MEGF11: variants seen among roughly 807,000 people sequenced by gnomAD.
MEGF11 encodes the protein multiple EGF like domains 11.
In MEGF11, 126 loss-of-function variants were observed where a neutral mutation model predicts 146.6. The ratio of observed to expected loss-of-function variants is 0.86; its 90% CI spans 0.74 to 1.00. The LOEUF (loss-of-function observed/expected upper bound fraction) is 1.00. MEGF11 is among the 50% of genes least tolerant of loss of function. The probability of loss-of-function intolerance (pLI) is 0.00; values close to 1 mark genes in which losing one functional copy is unlikely to be tolerated. For synonymous variants in MEGF11, 532 were observed against 583.4 expected (o/e 0.91, Z 1.27); for missense variants, 1,509 against 1,521.2 (o/e 0.99, Z 0.13).
intron 5 of MEGF11, among the ~76,000 whole-genome samples, chr15:66,028,220 C>T (rs1802547172): frequency 2.6e-5 from 4 of 152,188 alleles, no homozygotes; most frequent in Admixed American, 2.6e-4. Context: ...TCTCTGCAGC[C>T]CCTGCAGCAC....
At chr15:66,107,178 G>C (rs1267590144) in intron 4 of MEGF11, among the ~76,000 whole-genome samples, 1 of 152,158 alleles carries the variant, frequency 6.6e-6, no homozygotes, top group Admixed American at 6.5e-5. Flanking sequence ...GGAGTGTCCA[G>C]CTCCCCAGCC....
At chr15:65,962,669 G>C (rs1567178292) in intron 9 of MEGF11, among the ~76,000 whole-genome samples, 1 of 152,172 alleles carries the variant, frequency 6.6e-6, no homozygotes, top group African/African-American at 2.4e-5. Context: ...AGAGGGATGG[G>C]CTGTTTAAGA....
chr15:66,124,000 G>T lies in MEGF11; in HGVS notation c.99C>A (p.Ser33Arg). ...EDPNVCSHWE[S>R]YAVTVQESYA... is the part of the protein sequence containing the mutation. ...ACGATTCCTGGACAGTCACAGCATA[G>T]CTGAGAACCAGATGGGAGATAGGAG... The change falls in exon 3 of 26, where the codon AGC (serine) becomes AGA (arginine). Residue 33 changes from serine to arginine, a missense_variant and splice_region_variant. Coordinates refer to ENST00000395614, the MANE Select transcript of MEGF11 (RefSeq NM_001385028.1). 3.1e-6 allele frequency: 5 copies of T among 1,612,348 alleles called. No individual in the cohort carries two copies. Among genetic ancestry groups the T allele is most frequent in the Non-Finnish European group, 4.2e-6 (5 of 1,178,360 alleles).
intron 1 of MEGF11, among the ~76,000 whole-genome samples, chr15:66,193,507 C>T (rs1366160759): frequency 6.6e-6 from 1 of 152,166 alleles, no homozygotes; most frequent in East Asian, 1.9e-4. Flanking sequence ...TATATAAGTA[C>T]TAACTATAAT....
chr15:66,009,770 A>C (rs1184948419), intron 5 of MEGF11, among the ~76,000 whole-genome samples: 2 of 151,548 alleles, frequency 1.3e-5, no homozygotes, highest in Non-Finnish European at 2.9e-5. Context: ...TTTTTTTTGA[A>C]TTTTTAGTAG....
intron 10 of MEGF11, among the ~76,000 whole-genome samples, chr15:65,935,951 C>T (rs1056052839): frequency 1.3e-5 from 2 of 152,180 alleles, no homozygotes; most frequent in African/African-American, 4.8e-5. Context: ...ACGAGCCTAT[C>T]TCAGATTAGA....
At position 66,248,220 on chromosome 15, in the gene MEGF11, T is replaced by C. The variant is rs118088264; in HGVS notation, c.-9+5385A>G. On this transcript the variant is annotated intron_variant, in intron 1 of 25. Transcript: ENST00000395614. ...CTTGTGATCTTGGGAACAGGAAAGA[T>C]GAAAAGCATCCGGATCTTTCATGAT... Among the ~76,000 whole-genome samples the C allele has an allele frequency of 1.6e-4, 25 of 152,268 alleles. No individual in the cohort carries two copies. The East Asian group carries it at 4.8e-3, about 29-fold the overall frequency.
chr15:65,990,610 GAAAA>G (rs1192656601), intron 5 of MEGF11, among the ~76,000 whole-genome samples: 1 of 81,780 alleles, frequency 1.2e-5, no homozygotes, highest in East Asian at 4.2e-4. Context: ...GAAAAGAAAA[GAAAA>G]AAAAGAAAAG....
intron 10 of MEGF11, among the ~76,000 whole-genome samples, chr15:65,953,943 TG>T: frequency 6.6e-6 from 1 of 152,214 alleles, no homozygotes; most frequent in African/African-American, 2.4e-5. Context: ...TTCATAAAGC[TG>T]TCCCAATATC....
intron 5 of MEGF11, among the ~76,000 whole-genome samples, chr15:66,055,116 T>C (rs1360679430): frequency 6.6e-6 from 1 of 152,164 alleles, no homozygotes; most frequent in Non-Finnish European, 1.5e-5. Flanking sequence ...CTTGATAAAA[T>C]ACACCCACAA....
intron 5 of MEGF11, among the ~76,000 whole-genome samples, chr15:66,011,568 G>A (rs1244039392): frequency 6.6e-6 from 1 of 152,028 alleles, no homozygotes; most frequent in African/African-American, 2.4e-5. Flanking sequence ...AAGTCACTCG[G>A]GCAAGTCGCG....
intron 5 of MEGF11, among the ~76,000 whole-genome samples, chr15:66,021,783 G>A (rs149112490): frequency 1.7e-3 from 264 of 152,358 alleles, no homozygotes; most frequent in Middle Eastern, 0.017. Context: ...GGGGAGGGGA[G>A]CCGAGAGAGC....
chr15:65,983,203 CAGA>C (rs763149230), intron 5 of MEGF11, among the ~76,000 whole-genome samples: 4 of 152,144 alleles, frequency 2.6e-5, no homozygotes, highest in Non-Finnish European at 5.9e-5. Context: ...CAGCCAGCTT[CAGA>C]AGGAGCAGGA....
At chr15:65,976,040 C>CTTTTT (rs57047424) in intron 7 of MEGF11, among the ~76,000 whole-genome samples, 30 of 102,056 alleles carry the variant, frequency 2.9e-4, no homozygotes, top group African/African-American at 1.0e-3. Flanking sequence ...TTCAACATTC[C>CTTTTT]TTTTTTTTTT....
At chr15:66,120,909 C>T (rs1480288375) in intron 3 of MEGF11, among the ~76,000 whole-genome samples, 1 of 152,162 alleles carries the variant, frequency 6.6e-6, no homozygotes, top group African/African-American at 2.4e-5. Context: ...CCAATTGTTT[C>T]TAGCTCACCC....
rs541500117 is a variant in MEGF11, at chr15:66,007,211, G to A, written c.395-24723C>T. On this transcript the variant is annotated intron_variant, in intron 5 of 25. Transcript: ENST00000395614. ...GCTACTACCTTATGTTGACGGCAGC[G>A]TTTACATGCATCACTAGCAGCATGA... Among the ~76,000 whole-genome samples, 47 of 152,296 alleles carry A rather than the reference G, an allele frequency of 3.1e-4. 1 individual carries two copies. The highest frequency in any genetic ancestry group is 9.9e-4 in the African/African-American group (41 of 41,556).
intron 1 of MEGF11, among the ~76,000 whole-genome samples, chr15:66,246,656 A>T (rs2092300427): frequency 6.8e-6 from 1 of 146,270 alleles, no homozygotes; most frequent in South Asian, 2.1e-4. Context: ...AAAAAAAATA[A>T]AAATAATTAG....
At chr15:66,014,340 G>A (rs1441163729) in intron 5 of MEGF11, among the ~76,000 whole-genome samples, 2 of 152,150 alleles carry the variant, frequency 1.3e-5, no homozygotes, top group Non-Finnish European at 2.9e-5. Context: ...GGCTCCAGAT[G>A]GACATTCATT....
intron 4 of MEGF11, among the ~76,000 whole-genome samples, chr15:66,097,333 G>A (rs1355779528): frequency 2.0e-5 from 3 of 152,232 alleles, no homozygotes; most frequent in African/African-American, 7.2e-5. Flanking sequence ...GCGCTGGGGC[G>A]GCTGACTCCT....
Sources: allele counts gnomAD v4.1 joint callset (sites outside exome capture counted in the v4.1 genomes callset), GRCh38; gene constraint gnomAD v4.1.1; transcripts MANE v1.5; gene names NCBI Gene and HGNC (gene_info 2026-07-23, HGNC 2026-07-21).